ANKRD50: variants seen among roughly 807,000 people sequenced by gnomAD.
The protein encoded by ANKRD50 is ankyrin repeat domain-containing protein 50.
A neutral mutation model predicts 112.0 loss-of-function variants in ANKRD50; 40 were observed. The ratio of observed to expected loss-of-function variants is 0.36; its 90% CI spans 0.28 to 0.46. The LOEUF (loss-of-function observed/expected upper bound fraction) is 0.46, where lower values mean the gene tolerates loss of function less well. Among genes scored for constraint, ANKRD50 ranks in the 20% least tolerant of loss-of-function variants. The pLI, the probability that ANKRD50 is intolerant of heterozygous loss-of-function variation, is 1.00. For synonymous variants in ANKRD50, 613 were observed against 619.1 expected (o/e 0.99, Z 0.15); for missense variants, 1,487 against 1,701.7 (o/e 0.87, Z 2.22).
Position 124,710,403 on chromosome 4 carries a change from G to A in ANKRD50, c.109C>T (p.Leu37Phe), listed in dbSNP as rs766156123. The change falls in exon 2 of 5, where the codon CTC becomes TTC. Residue 37 changes from leucine (L) to phenylalanine (F), a missense_variant. Around this residue, in one of 2 missense-constraint regions of ANKRD50, gnomAD observed 1,046 missense variants for 1,269.5 expected, o/e 0.82. Transcript: ENST00000504087. ...EWVFHKLQHCLQEKSNCCNSA... is the reference protein window; with the variant it reads ...EWVFHKLQHCFQEKSNCCNSA... Reference sequence around the variant, plus strand: ...TTGCAGCAGTTACTTTTCTCCTGGAGGCAATGCTGAAGCTTGTGGAAAACC... The same window carrying A: ...TTGCAGCAGTTACTTTTCTCCTGGAAGCAATGCTGAAGCTTGTGGAAAACC... 14 of 1,614,208 alleles carry A rather than the reference G, an allele frequency of 8.7e-6. No homozygotes were observed. Among genetic ancestry groups the A allele is most frequent in the Non-Finnish European group, 1.2e-5 (14 of 1,180,034 alleles).
At chr4:124,679,331 T>C (rs1025858726) in intron 2 of ANKRD50, among the ~76,000 whole-genome samples, 1 of 152,142 alleles carries the variant, frequency 6.6e-6, no homozygotes, top group African/African-American at 2.4e-5. Context: ...TCAAGAGTTC[T>C]GTAGTAGAAG....
chr4:124,686,416 C>T (rs1725008326), intron 2 of ANKRD50, among the ~76,000 whole-genome samples: 1 of 152,174 alleles, frequency 6.6e-6, no homozygotes, highest in Non-Finnish European at 1.5e-5. Flanking sequence ...TCGCTTGCTG[C>T]CTTTTCTCTA....
At chr4:124,701,366 A>G (rs202064132) in intron 2 of ANKRD50, among the ~76,000 whole-genome samples, 1 of 152,174 alleles carries the variant, frequency 6.6e-6, no homozygotes, top group East Asian at 1.9e-4. Context: ...GAGACAAATG[A>G]AAGAACCATA....
intron 3 of ANKRD50, among the ~76,000 whole-genome samples, chr4:124,677,645 A>G (rs1343285864): frequency 6.6e-6 from 1 of 151,962 alleles, no homozygotes; most frequent in African/African-American, 2.4e-5. Context: ...TATAATCCCC[A>G]TTTCATAGAT....
In ANKRD50 at chr4:124,669,023, G is replaced by C. The variant is rs1730563163; in HGVS notation, c.4254C>G (p.Asp1418Glu). The stretch of plus-strand genomic sequence containing the variant: ...TTTCCTTTTTATAGTTGAAGCTAGG[G>C]TCAGAACCTTCAATCTGAAGCTTCA... ...QALKLQIEGS[D>E]PSFNYKKETP... The change falls in exon 4 of 5, where the codon GAC becomes GAG. Residue 1418 changes from aspartate (D) to glutamate (E), a missense_variant. Physicochemically the swap from Asp to Glu is conservative, Grantham distance 45. Around this residue, in one of 2 missense-constraint regions of ANKRD50, gnomAD observed 441 missense variants for 432.2 expected, o/e 1.02. Coordinates refer to ENST00000504087, the MANE Select transcript of ANKRD50 (RefSeq NM_020337.3). The C allele has an allele frequency of 2.5e-6, 4 of 1,611,436 alleles. No homozygotes were observed. Among genetic ancestry groups the C allele is most frequent in the Non-Finnish European group, 3.4e-6 (4 of 1,179,164 alleles).
Position 124,669,275 on chromosome 4 carries a change from T to G in ANKRD50, c.4002A>C (p.Ser1334=). ...AESQCKIMIP[S]AQQEIGRSQQ... ...GAGATCGACCAATTTCCTGCTGAGC[T>G]GAAGGTATCATAATTTTGCATTGAG... The change falls in exon 4 of 5, where the codon TCA becomes TCC. Residue 1334 remains serine, a synonymous_variant. Transcript: ENST00000504087. The G allele has an allele frequency of 1.2e-6, 2 of 1,613,834 alleles. No individual in the cohort carries two copies. Among genetic ancestry groups the G allele is most frequent in the Non-Finnish European group, 1.7e-6 (2 of 1,179,824 alleles).
Position 124,672,215 on chromosome 4 carries a change from C to G in ANKRD50, c.1062G>C (p.Leu354Phe). 1 of 1,613,792 alleles carries G rather than the reference C, an allele frequency of 6.2e-7. No individual in the cohort carries two copies. The highest frequency in any genetic ancestry group is 8.5e-7 in the Non-Finnish European group (1 of 1,179,834). Residue 354 changes from leucine (L) to phenylalanine (F), a missense_variant, in exon 4 of 5, where the codon TTG (leucine) becomes TTC (phenylalanine). Around this residue, in one of 2 missense-constraint regions of ANKRD50, gnomAD observed 1,046 missense variants for 1,269.5 expected, o/e 0.82. Coordinates refer to ENST00000504087, the MANE Select transcript of ANKRD50 (RefSeq NM_020337.3). ...RKQFAKVQPI[L>F]NVILAACRPL... ...GTCGGCAGGCTGCAAGAATCACATT[C>G]AAAATAGGCTGAACCTTTGCAAATT...
chr4:124,709,638 T>A (rs2110531074), intron 2 of ANKRD50, among the ~76,000 whole-genome samples: 1 of 152,198 alleles, frequency 6.6e-6, no homozygotes, highest in African/African-American at 2.4e-5. Context: ...GCTATACTGA[T>A]AATTACTCTA....
At chr4:124,676,941 A>G (rs569160019) in intron 3 of ANKRD50, among the ~76,000 whole-genome samples, 1 of 151,900 alleles carries the variant, frequency 6.6e-6, no homozygotes, top group East Asian at 1.9e-4. Flanking sequence ...GTAAACAAGA[A>G]GTACAAATAA....
At chr4:124,678,296 A>G (rs1312913051) in intron 3 of ANKRD50, among the ~76,000 whole-genome samples, 1 of 152,044 alleles carries the variant, frequency 6.6e-6, no homozygotes, top group East Asian at 1.9e-4. Flanking sequence ...AAAAAAAGTA[A>G]GAGAAAGAAA....
intron 1 of ANKRD50, among the ~76,000 whole-genome samples, chr4:124,711,755 C>T (rs1347704034): frequency 7.2e-6 from 1 of 139,104 alleles, no homozygotes; most frequent in African/African-American, 2.5e-5. Flanking sequence ...GGATGGGAAA[C>T]GGTTTAAAAA....
chr4:124,672,674 A>G (rs1730691145), intron 3 of ANKRD50, 140 bp from the exon 4 acceptor site: 2 of 601,056 alleles, frequency 3.3e-6, no homozygotes, highest in East Asian at 6.5e-5. Flanking sequence ...AATACCTATT[A>G]GTATGTAAAT....
rs151023802 is a variant in ANKRD50, at chr4:124,694,503, T to C, written c.512+15497A>G. 9.9e-4 allele frequency among the ~76,000 whole-genome samples: 151 copies of C among 152,292 alleles called. 1 individual carries two copies. In the East Asian group the frequency reaches 0.019, roughly 19 times the overall value. ...GATTTGCTGATGGAAGTAAAGGGAA[T>C]ACAAGTTCTCCCACTTCTAGCAACA... is the stretch of plus-strand genomic sequence containing the variant. On this transcript the variant is annotated intron_variant, in intron 2 of 4. Coordinates refer to ENST00000504087, the MANE Select transcript of ANKRD50 (RefSeq NM_020337.3).
rs911364713 is a variant in ANKRD50, at chr4:124,670,146, T to G, written c.3131A>C (p.Gln1044Pro). ...HGAVVDHTCN[Q>P]GATALCIAAQ... is the part of the protein sequence containing the mutation. ...TGCAATACAGAGTGCAGTTGCACCT[T>G]GGTTACATGTATGGTCAACTACAGC... is the stretch of plus-strand genomic sequence containing the variant. The change falls in exon 4 of 5, where the codon CAA becomes CCA. Residue 1044 changes from glutamine (Q) to proline (P), a missense_variant. By Grantham distance (76) the Gln-to-Pro change is moderately conservative. Coordinates refer to ENST00000504087, the MANE Select transcript of ANKRD50 (RefSeq NM_020337.3). 6.2e-7 allele frequency: 1 copy of G among 1,612,242 alleles called. No individual in the cohort carries two copies. The highest frequency in any genetic ancestry group is 1.1e-5 in the South Asian group (1 of 90,650).
chr4:124,696,711 T>A (rs1342194804), intron 2 of ANKRD50, among the ~76,000 whole-genome samples: 1 of 152,102 alleles, frequency 6.6e-6, no homozygotes, highest in Non-Finnish European at 1.5e-5. Flanking sequence ...TGAAAAACAA[T>A]GCCATTAAGT....
intron 2 of ANKRD50, among the ~76,000 whole-genome samples, chr4:124,681,800 T>C (rs1388399747): frequency 6.6e-6 from 1 of 152,226 alleles, no homozygotes; most frequent in Admixed American, 6.5e-5. Context: ...ATGCTGTTAA[T>C]TTCCCTCTAA....
chr4:124,676,138 G>T (rs918068205), intron 3 of ANKRD50, among the ~76,000 whole-genome samples: 3 of 151,650 alleles, frequency 2.0e-5, no homozygotes, highest in Non-Finnish European at 4.4e-5. Context: ...CATATAGAAG[G>T]ATAACTGGAA....
chr4:124,707,862 A>C (rs1725540361), intron 2 of ANKRD50, among the ~76,000 whole-genome samples: 1 of 152,170 alleles, frequency 6.6e-6, no homozygotes, highest in African/African-American at 2.4e-5. Context: ...AATTGAATAA[A>C]AGAATTATTT....
intron 2 of ANKRD50, among the ~76,000 whole-genome samples, chr4:124,699,728 GA>G (rs1487604191): frequency 2.0e-5 from 3 of 149,520 alleles, no homozygotes; most frequent in African/African-American, 7.4e-5. Context: ...GGGTTTAAAA[GA>G]AATCCTTTTC....
Sources: allele counts gnomAD v4.1 joint callset (sites outside exome capture counted in the v4.1 genomes callset), GRCh38; gene constraint gnomAD v4.1.1; regional missense constraint gnomAD v4.1.1; transcripts MANE v1.5; gene names NCBI Gene and HGNC (gene_info 2026-07-23, HGNC 2026-07-21).